IRF2: variants seen among roughly 807,000 people sequenced by gnomAD.
IRF2 encodes the protein interferon regulatory factor 2.
IRF2 carries 15 observed loss-of-function variants against 40.6 expected under a neutral mutation model. That is an observed-to-expected ratio of 0.37 (90% CI 0.25 to 0.57). The LOEUF is 0.57. Ranked by LOEUF, IRF2 falls within the 20% of genes least tolerant of loss-of-function variation. The probability of loss-of-function intolerance (pLI) is 0.77; values close to 1 mark genes in which losing one functional copy is unlikely to be tolerated. For synonymous variants in IRF2, 151 were observed against 165.5 expected (o/e 0.91, Z 0.67); for missense variants, 317 against 455.7 (o/e 0.70, Z 2.77).
At chr4:184,456,007 C>A (rs1738910816) in intron 1 of IRF2, among the ~76,000 whole-genome samples, 1 of 152,196 alleles carries the variant, frequency 6.6e-6, no homozygotes. Context: ...TTAAAGCAAG[C>A]TTTCAAGCAA....
At chr4:184,433,040 G>A (rs1301554691) in intron 1 of IRF2, among the ~76,000 whole-genome samples, 1 of 152,202 alleles carries the variant, frequency 6.6e-6, no homozygotes, top group African/African-American at 2.4e-5. Context: ...GTCAGTGACA[G>A]GGAGGGCCCA....
intron 6 of IRF2, among the ~76,000 whole-genome samples, chr4:184,405,887 T>C (rs962031793): frequency 2.2e-4 from 33 of 152,160 alleles, no homozygotes; most frequent in African/African-American, 7.2e-4. Flanking sequence ...CCAACTCCAC[T>C]GCCCAGGTCT....
At chr4:184,426,676 A>G (rs757798658) in intron 2 of IRF2, among the ~76,000 whole-genome samples, 1 of 152,250 alleles carries the variant, frequency 6.6e-6, no homozygotes, top group Non-Finnish European at 1.5e-5. Context: ...AACCAACCAC[A>G]GCGGTCAACA....
intron 1 of IRF2, among the ~76,000 whole-genome samples, chr4:184,465,119 T>A (rs924800230): frequency 2.0e-5 from 3 of 152,198 alleles, no homozygotes; most frequent in Admixed American, 2.0e-4. Flanking sequence ...TGAAGTGAAA[T>A]CATATCTCAA....
intron 6 of IRF2, among the ~76,000 whole-genome samples, chr4:184,401,820 A>G (rs793770): frequency 0.99 from 151,437 of 152,318 alleles, 75,284 homozygotes; most frequent in East Asian, 1. Context: ...GACTTAAGTC[A>G]AAGCCATTTT....
intron 6 of IRF2, among the ~76,000 whole-genome samples, chr4:184,407,671 C>T (rs557355584): frequency 6.6e-6 from 1 of 152,316 alleles, no homozygotes; most frequent in South Asian, 2.1e-4. Flanking sequence ...CCATCTATTT[C>T]CTGCTCCTAG....
intron 5 of IRF2, among the ~76,000 whole-genome samples, chr4:184,411,306 A>G (rs10028655): frequency 0.014 from 2,153 of 152,044 alleles, 56 homozygotes; most frequent in African/African-American, 0.049. Context: ...TGATCTGCCC[A>G]CCTCGGCCTC....
chr4:184,407,486 G>C (rs1418802505), intron 6 of IRF2, among the ~76,000 whole-genome samples: 1 of 152,182 alleles, frequency 6.6e-6, no homozygotes, highest in Non-Finnish European at 1.5e-5. Flanking sequence ...CAACTGTTAC[G>C]AAGGAGGGAA....
chr4:184,417,922 G>T (rs753222041), intron 5 of IRF2, among the ~76,000 whole-genome samples: 1 of 152,222 alleles, frequency 6.6e-6, no homozygotes, highest in Non-Finnish European at 1.5e-5. Context: ...TCAGCCTGCC[G>T]AGCACAGTGA....
At chr4:184,440,980 T>C (rs1277858497) in intron 1 of IRF2, among the ~76,000 whole-genome samples, 1 of 152,232 alleles carries the variant, frequency 6.6e-6, no homozygotes, top group Admixed American at 6.5e-5. Flanking sequence ...AGGCCTAGCC[T>C]GGAAACGTCT....
chr4:184,395,376 G>A (rs1421621659), intron 7 of IRF2, among the ~76,000 whole-genome samples: 6 of 118,536 alleles, frequency 5.1e-5, no homozygotes, highest in Non-Finnish European at 4.8e-5. Flanking sequence ...TCGCACCACT[G>A]CACTCCAGCC....
chr4:184,468,160 A>C (rs1739394080), intron 1 of IRF2, among the ~76,000 whole-genome samples: 1 of 152,210 alleles, frequency 6.6e-6, no homozygotes. Context: ...AGACAAATAC[A>C]TAAAATAAAA....
At chr4:184,429,519 C>G (rs1203977484) in intron 1 of IRF2, among the ~76,000 whole-genome samples, 1 of 152,212 alleles carries the variant, frequency 6.6e-6, no homozygotes, top group Non-Finnish European at 1.5e-5. Context: ...TTTTGAGAAT[C>G]TGGGTTATAC....
At chr4:184,409,674 G>A (rs886939764) in intron 5 of IRF2, among the ~76,000 whole-genome samples, 7 of 152,206 alleles carry the variant, frequency 4.6e-5, no homozygotes, top group East Asian at 1.9e-4. Context: ...CTGCAGGATC[G>A]TTTCAGCCCA....
chr4:184,473,510 A>G (rs569238888), intron 1 of IRF2, among the ~76,000 whole-genome samples: 127 of 147,720 alleles, frequency 8.6e-4, no homozygotes, highest in African/African-American at 3.1e-3. Context: ...GTGCAATGAC[A>G]AAGCCCCAGG....
At chr4:184,406,955 C>T (rs1280842102) in intron 6 of IRF2, among the ~76,000 whole-genome samples, 1 of 152,218 alleles carries the variant, frequency 6.6e-6, no homozygotes, top group Non-Finnish European at 1.5e-5. Flanking sequence ...TTCCTAATTG[C>T]CGTATGTCTA....
chr4:184,432,666 A>T (rs146281976), intron 1 of IRF2, among the ~76,000 whole-genome samples: 5 of 152,364 alleles, frequency 3.3e-5, no homozygotes, highest in African/African-American at 9.6e-5. Flanking sequence ...AGCTCGCAGG[A>T]ACCCGATGTC....
chr4:184,421,118 C>A (rs961759896), intron 2 of IRF2, among the ~76,000 whole-genome samples: 4 of 152,202 alleles, frequency 2.6e-5, no homozygotes, highest in African/African-American at 9.6e-5. Flanking sequence ...GAAATGTCAG[C>A]AGGGAGTTTC....
At chr4:184,433,967 T>A (rs793813) in intron 1 of IRF2, among the ~76,000 whole-genome samples, 151,996 of 152,370 alleles carry the variant, frequency 1, 75,813 homozygotes, top group Middle Eastern at 1. Flanking sequence ...TTGGACACTA[T>A]AAACAGATTA....
Sources: allele counts gnomAD v4.1 joint callset (sites outside exome capture counted in the v4.1 genomes callset), GRCh38; gene constraint gnomAD v4.1.1; transcripts MANE v1.5; gene names NCBI Gene and HGNC (gene_info 2026-07-23, HGNC 2026-07-21).